GABRP: variants seen among roughly 807,000 people sequenced by gnomAD.
GABRP encodes gamma-aminobutyric acid type A receptor subunit pi.
In GABRP, 52 loss-of-function variants were observed where a neutral mutation model predicts 47.8. The ratio of observed to expected loss-of-function variants is 1.09; its 90% CI spans 0.87 to 1.37. The LOEUF is 1.37. GABRP is among the 40% of genes most tolerant of loss of function. GABRP has a pLI of 0.00. For synonymous variants in GABRP, 221 were observed against 205.8 expected (o/e 1.07, Z -0.63); for missense variants, 525 against 542.8 (o/e 0.97, Z 0.33).
intron 9 of GABRP, among the ~76,000 whole-genome samples, chr5:170,811,125 G>C (rs761987338): frequency 6.7e-6 from 1 of 148,928 alleles, no homozygotes; most frequent in Admixed American, 6.7e-5. Flanking sequence ...ACAATGAAAT[G>C]AGTACCATTA....
chr5:170,801,481 C>T (rs1765588304), intron 6 of GABRP, among the ~76,000 whole-genome samples: 1 of 152,180 alleles, frequency 6.6e-6, no homozygotes, highest in Non-Finnish European at 1.5e-5. Flanking sequence ...AACCTGATTA[C>T]CACACAGTAG....
Position 170,811,975 on chromosome 5 carries a change from A to G in GABRP, c.1040A>G (p.Glu347Gly), listed in dbSNP as rs546702598. 5 of 1,613,772 alleles carry G rather than the reference A, an allele frequency of 3.1e-6. No homozygotes were observed. The East Asian group carries it at 1.1e-4, about 36-fold the overall frequency. ...AKDRGTTKEV[E>G]EVSITNIINS... Reference sequence around the variant, plus strand: ...AACTAGGGGACAACAAAGGAAGTAGAAGAAGTCAGTATTACTAATATCATC... The same window carrying G: ...AACTAGGGGACAACAAAGGAAGTAGGAGAAGTCAGTATTACTAATATCATC... Residue 347 changes from glutamate (E) to glycine (G), a missense_variant, in exon 10 of 10, where the codon GAA becomes GGA. By Grantham distance (98) the Glu-to-Gly change is moderately conservative. Coordinates refer to ENST00000265294, the MANE Select transcript of GABRP (RefSeq NM_014211.3).
chr5:170,802,295 AG>A, intron 6 of GABRP, among the ~76,000 whole-genome samples: 1 of 152,316 alleles, frequency 6.6e-6, no homozygotes, highest in Non-Finnish European at 1.5e-5. Context: ...TGATTTATTA[AG>A]GCATCAAGGT....
At chr5:170,787,437 G>T (rs1046534351) in intron 1 of GABRP, among the ~76,000 whole-genome samples, 15 of 152,202 alleles carry the variant, frequency 9.9e-5, no homozygotes, top group African/African-American at 3.6e-4. Context: ...CCTGACAGCA[G>T]CTCCTGAAGC....
chr5:170,793,922 T>A (rs1765349291), intron 3 of GABRP, among the ~76,000 whole-genome samples: 3 of 151,812 alleles, frequency 2.0e-5, no homozygotes, highest in African/African-American at 7.3e-5. Context: ...GCAAGAAGAG[T>A]GAAACTCTGT....
upstream of GABRP, chr5:170,783,707 A>G (rs1056209387): frequency 6.6e-6 from 1 of 152,238 alleles, no homozygotes; most frequent in African/African-American, 2.4e-5. Context: ...TAGCAGCTCC[A>G]TTCTTCCCCA....
chr5:170,787,095 C>T (rs1230914241), intron 1 of GABRP, among the ~76,000 whole-genome samples: 2 of 152,160 alleles, frequency 1.3e-5, no homozygotes, highest in African/African-American at 2.4e-5. Context: ...CATCCCGCAT[C>T]AGAGGGACAC....
chr5:170,794,005 T>G (rs1340219400), intron 3 of GABRP, among the ~76,000 whole-genome samples: 2 of 152,154 alleles, frequency 1.3e-5, no homozygotes, highest in Non-Finnish European at 2.9e-5. Flanking sequence ...TTAAGATACC[T>G]ATGTATGTGT....
Position 170,792,343 on chromosome 5 carries a change from G to A in GABRP, c.173-1888G>A, listed in dbSNP as rs552361466. ...TGTAATCCCAGCTATTCTGAAGGCCGAAGCAGGAGAATCACTTGAATCCAG... is the reference window on the plus strand; with the variant it reads ...TGTAATCCCAGCTATTCTGAAGGCCAAAGCAGGAGAATCACTTGAATCCAG... On this transcript the variant is annotated intron_variant, in intron 3 of 9. Coordinates refer to ENST00000265294, the MANE Select transcript of GABRP (RefSeq NM_014211.3). Among the ~76,000 whole-genome samples, 31 of 151,914 alleles carry A rather than the reference G, an allele frequency of 2.0e-4. No homozygotes were observed. In the East Asian group the frequency reaches 2.5e-3, roughly 12 times the overall value.
chr5:170,784,425 G>A (rs1765077413), intron 1 of GABRP, among the ~76,000 whole-genome samples: 3 of 152,180 alleles, frequency 2.0e-5, no homozygotes, highest in Non-Finnish European at 2.9e-5. Context: ...GAGACATAGA[G>A]GCCAAGAGCA....
At chr5:170,789,339 C>T (rs1765206039) in intron 3 of GABRP, 92 bp downstream of exon 3, 1 of 720,638 alleles carries the variant, frequency 1.4e-6, no homozygotes, top group Non-Finnish European at 2.4e-6. Flanking sequence ...TAGTTGACTC[C>T]ATTTTCTGAT....
At chr5:170,783,233 G>A (rs7722677), upstream of GABRP, among the ~76,000 whole-genome samples, 13,865 of 152,166 alleles carry the variant, frequency 0.091, 1,114 homozygotes, top group African/African-American at 0.21. Context: ...ACTAGGTCCT[G>A]GGATATGAAA....
intron 6 of GABRP, among the ~76,000 whole-genome samples, chr5:170,798,529 T>G (rs1460745478): frequency 1.3e-5 from 2 of 152,176 alleles, no homozygotes; most frequent in East Asian, 3.9e-4. Context: ...AAACTTTTAA[T>G]ATTTAATTTA....
In GABRP at chr5:170,813,076, T is replaced by G. The variant is rs1424640277; in HGVS notation, c.*818T>G. 1 of 152,224 alleles carries G rather than the reference T, an allele frequency of 6.6e-6. No individual in the cohort carries two copies. Among genetic ancestry groups the G allele is most frequent in the Non-Finnish European group, 1.5e-5 (1 of 68,038 alleles). The allele number at this position is 152,224 out of a possible 1,614,324, so 9.4% of individuals were successfully genotyped here. On this transcript the variant is annotated 3_prime_UTR_variant, in exon 10 of 10. Transcript: ENST00000265294. ...TGCATGGATGGAAATGGAAGATTTT[T>G]TTTTAACTTGTTCTAGAAGTCTTAA... is the stretch of plus-strand genomic sequence containing the variant.
intron 3 of GABRP, among the ~76,000 whole-genome samples, chr5:170,793,021 G>A (rs192817342): frequency 2.0e-5 from 3 of 152,104 alleles, no homozygotes; most frequent in African/African-American, 2.4e-5. Flanking sequence ...ATTATTGAGC[G>A]CCTATTATTA....
At chr5:170,809,509 G>A (rs1462661790) in intron 8 of GABRP, 59 bp from the exon 9 acceptor site, 2 of 1,549,578 alleles carry the variant, frequency 1.3e-6, no homozygotes, top group Non-Finnish European at 1.8e-6. Flanking sequence ...CACTCTGCCA[G>A]GCTATGGTGG....
intron 3 of GABRP, among the ~76,000 whole-genome samples, chr5:170,791,887 T>A (rs780791941): frequency 1.4e-4 from 22 of 151,980 alleles, no homozygotes; most frequent in Non-Finnish European, 2.9e-4. Context: ...GGCTGAGGAG[T>A]CCAATATCAA....
intron 7 of GABRP, 49 bp downstream of exon 7, chr5:170,805,902 G>A (rs764160496): frequency 2.5e-6 from 4 of 1,594,070 alleles, no homozygotes; most frequent in East Asian, 4.5e-5. Context: ...GAACTGAGGT[G>A]TAGGGTTGCT....
chr5:170,790,406 G>A (rs1765234394), intron 3 of GABRP, among the ~76,000 whole-genome samples: 1 of 151,988 alleles, frequency 6.6e-6, no homozygotes, highest in African/African-American at 2.4e-5. Flanking sequence ...ACAGAGTGTG[G>A]GTTATTTTCA....
Sources: allele counts gnomAD v4.1 joint callset (sites outside exome capture counted in the v4.1 genomes callset), GRCh38; gene constraint gnomAD v4.1.1; transcripts MANE v1.5; gene names NCBI Gene and HGNC (gene_info 2026-07-23, HGNC 2026-07-21).